PROS1: variants seen among roughly 807,000 people sequenced by gnomAD.
PROS1 encodes the protein protein S.
In PROS1, 29 loss-of-function variants were observed where a neutral mutation model predicts 75.9. That is an observed-to-expected ratio of 0.38 (90% CI 0.28 to 0.52). PROS1 has a LOEUF of 0.52. Among genes scored for constraint, PROS1 ranks in the 20% least tolerant of loss-of-function variants. PROS1 has a pLI of 0.83. For synonymous variants in PROS1, 245 were observed against 280.6 expected (o/e 0.87, Z 1.27); for missense variants, 680 against 810.3 (o/e 0.84, Z 1.95).
At chr3:93,951,287 T>A (rs1211315899) in intron 1 of PROS1, among the ~76,000 whole-genome samples, 1 of 151,988 alleles carries the variant, frequency 6.6e-6, no homozygotes, top group Non-Finnish European at 1.5e-5. Flanking sequence ...CCAAGAAACA[T>A]AACTGTCAGA....
chr3:93,943,093 G>A lies in PROS1; in HGVS notation c.77-15686C>T, dbSNP rs201127951. Among the ~76,000 whole-genome samples the A allele has an allele frequency of 2.2e-4, 33 of 152,186 alleles. No homozygotes were observed. The East Asian group carries it at 3.5e-3, about 16-fold the overall frequency. On this transcript the variant is annotated intron_variant, in intron 1 of 14. Coordinates refer to ENST00000394236, the MANE Select transcript of PROS1 (RefSeq NM_000313.4). ...CCTCTATACAGTCCAATAACGGACCGGCCTTTATTAGTCAAATCACCCAAG... is the reference window on the plus strand; with the variant it reads ...CCTCTATACAGTCCAATAACGGACCAGCCTTTATTAGTCAAATCACCCAAG...
intron 1 of PROS1, among the ~76,000 whole-genome samples, chr3:93,948,316 G>A (rs1221456943): frequency 6.6e-6 from 1 of 152,048 alleles, no homozygotes; most frequent in Non-Finnish European, 1.5e-5. Context: ...GAAAAAAATT[G>A]AGAACTAAAG....
intron 3 of PROS1, among the ~76,000 whole-genome samples, chr3:93,918,808 A>G (rs1386817214): frequency 6.6e-6 from 1 of 152,094 alleles, no homozygotes; most frequent in Non-Finnish European, 1.5e-5. Context: ...AGCCTCCCAA[A>G]GTGTTGGAAT....
Position 93,927,845 on chromosome 3 carries a change from A to G in PROS1, c.77-438T>C, listed in dbSNP as rs1215179443. ...TAGTGAGACCCCATTTCTACAAAAAACAAACATATATATATATATATATAT... is the reference window on the plus strand; with the variant it reads ...TAGTGAGACCCCATTTCTACAAAAAGCAAACATATATATATATATATATAT... On this transcript the variant is annotated intron_variant, in intron 1 of 14. Coordinates refer to ENST00000394236, the MANE Select transcript of PROS1 (RefSeq NM_000313.4). Among the ~76,000 whole-genome samples the G allele has an allele frequency of 4.6e-5, 4 of 87,632 alleles. No individual in the cohort carries two copies. The Admixed American group carries it at 5.4e-4, about 12-fold the overall frequency. 57.5% of individuals were successfully genotyped at this position (87,632 alleles called of 152,430 possible).
chr3:93,942,441 T>C (rs1239608884), intron 1 of PROS1, among the ~76,000 whole-genome samples: 1 of 151,922 alleles, frequency 6.6e-6, no homozygotes, highest in Non-Finnish European at 1.5e-5. Context: ...GAAGCTGGAG[T>C]CATATACTGC....
At chr3:93,904,140 T>A (rs1185748870) in intron 6 of PROS1, among the ~76,000 whole-genome samples, 2 of 152,106 alleles carry the variant, frequency 1.3e-5, no homozygotes, top group South Asian at 4.1e-4. Flanking sequence ...ACAAAGGACA[T>A]GAACTCATCA....
chr3:93,964,222 G>A (rs1464766264), intron 1 of PROS1, among the ~76,000 whole-genome samples: 2 of 152,156 alleles, frequency 1.3e-5, no homozygotes, highest in East Asian at 3.9e-4. Flanking sequence ...TAGGGAACAA[G>A]GGAAGACAAC....
chr3:93,929,058 G>A (rs764135552), intron 1 of PROS1, among the ~76,000 whole-genome samples: 11 of 152,272 alleles, frequency 7.2e-5, no homozygotes, highest in East Asian at 5.8e-4. Context: ...ACATATACTC[G>A]TCATCTCAAC....
chr3:93,952,992 A>AT lies in PROS1; in HGVS notation c.76+20681dup, dbSNP rs568758644. ...CAGAAAATCTAGAAGAAATGGATAC[A>AT]TTGCTAGACACATACACCCTCCCAA... On this transcript the variant is annotated intron_variant, in intron 1 of 14. Transcript: ENST00000394236. Among the ~76,000 whole-genome samples, 27 of 152,324 alleles carry AT rather than the reference A, an allele frequency of 1.8e-4. No individual in the cohort carries two copies. In the East Asian group the frequency reaches 4.8e-3, roughly 27 times the overall value.
intron 1 of PROS1, among the ~76,000 whole-genome samples, chr3:93,971,450 C>A (rs1709880375): frequency 6.6e-6 from 1 of 151,240 alleles, no homozygotes. Flanking sequence ...ATATTTACAG[C>A]TCTAATTATA....
intron 1 of PROS1, among the ~76,000 whole-genome samples, chr3:93,945,993 CA>C: frequency 6.6e-6 from 1 of 152,272 alleles, no homozygotes; most frequent in South Asian, 2.1e-4. Flanking sequence ...GCAAAAATCA[CA>C]AGCATTTCTA....
intron 3 of PROS1, among the ~76,000 whole-genome samples, chr3:93,914,158 T>C (rs1020844176): frequency 2.6e-5 from 4 of 152,192 alleles, no homozygotes; most frequent in African/African-American, 9.6e-5. Context: ...AGAAGTTGCA[T>C]ACTGGTAGCC....
At chr3:93,971,349 C>T (rs1414490386) in intron 1 of PROS1, among the ~76,000 whole-genome samples, 3 of 131,984 alleles carry the variant, frequency 2.3e-5, no homozygotes, top group Admixed American at 1.7e-4. Flanking sequence ...GAGCAAGACT[C>T]CATCTCTAAA....
At chr3:93,952,265 C>G (rs1709512820) in intron 1 of PROS1, among the ~76,000 whole-genome samples, 2 of 152,186 alleles carry the variant, frequency 1.3e-5, no homozygotes, top group Admixed American at 1.3e-4. Context: ...CCCAAATCAA[C>G]AGGATATACA....
chr3:93,896,472 C>T, intron 9 of PROS1, 104 bp downstream of exon 9: 1 of 848,384 alleles, frequency 1.2e-6, no homozygotes, highest in Non-Finnish European at 2.0e-6. Flanking sequence ...ACTACATTAT[C>T]TGATAGGTAA....
intron 1 of PROS1, among the ~76,000 whole-genome samples, chr3:93,952,634 C>T (rs1295125435): frequency 6.6e-6 from 1 of 152,134 alleles, no homozygotes; most frequent in African/African-American, 2.4e-5. Context: ...CAGGAAAGAT[C>T]TAAAATTGAC....
chr3:93,952,472 A>G (rs9875121), intron 1 of PROS1, among the ~76,000 whole-genome samples: 2,844 of 152,260 alleles, frequency 0.019, 101 homozygotes, highest in African/African-American at 0.065. Context: ...CTGCTCCTGA[A>G]TGACTACTGG....
rs145399944 is a variant in PROS1, at chr3:93,927,250, C to T, written c.234G>A (p.Thr78=). 48 of 1,612,058 alleles carry T rather than the reference C, an allele frequency of 3.0e-5. No homozygotes were observed. The highest frequency in any genetic ancestry group is 3.9e-5 in the Non-Finnish European group (46 of 1,179,998). The change falls in exon 2 of 15, where the codon ACG becomes ACA. Residue 78 remains threonine (T), a splice_region_variant and synonymous_variant. Coordinates refer to ENST00000394236, the MANE Select transcript of PROS1 (RefSeq NM_000313.4). ...AREVFENDPE[T]DYFYPKYLVC... is the part of the protein sequence containing the mutation. Reference sequence around the variant, plus strand: ...CTTGATAGTTTCCATAAATGCTTACCGTTTCCGGGTCATTTTCAAAGACCT... The same window carrying T: ...CTTGATAGTTTCCATAAATGCTTACTGTTTCCGGGTCATTTTCAAAGACCT...
At chr3:93,903,377 A>C (rs1290174073) in intron 6 of PROS1, among the ~76,000 whole-genome samples, 1 of 152,090 alleles carries the variant, frequency 6.6e-6, no homozygotes, top group Admixed American at 6.6e-5. Flanking sequence ...AAAAGTCACA[A>C]ATTTGGCCAG....
Sources: gnomAD v4.1 joint callset for allele counts (sites outside exome capture counted in the v4.1 genomes callset) on GRCh38, gnomAD v4.1.1 for gene constraint, MANE v1.5 for transcripts, NCBI Gene and HGNC (gene_info 2026-07-23, HGNC 2026-07-21) for gene names.